The following NELL1 variants were observed in gnomAD, a reference collection of about 807,000 sequenced individuals.
NELL1 encodes the protein neural EGFL like 1, also known as protein kinase C-binding protein NELL1.
A neutral mutation model predicts 107.4 loss-of-function variants in NELL1; 76 were observed. The observed-to-expected ratio is 0.71, with a 90% CI of 0.59 to 0.86. NELL1 has a LOEUF of 0.86. Among genes scored for constraint, NELL1 ranks in the 40% least tolerant of loss-of-function variants. The probability of loss-of-function intolerance (pLI) is 0.00; values close to 1 mark genes in which losing one functional copy is unlikely to be tolerated. For missense variants in NELL1, 1,024 were observed against 1,005.5 expected (o/e 1.02, Z -0.25); for synonymous variants, 353 against 341.2 (o/e 1.03, Z -0.38).
chr11:21,256,527 C>T (rs544788684), intron 14 of NELL1, among the ~76,000 whole-genome samples: 1 of 152,116 alleles, frequency 6.6e-6, no homozygotes, highest in East Asian at 2.0e-4. Flanking sequence ...GCTTTGACTG[C>T]TTCTTTACCT....
intron 14 of NELL1, among the ~76,000 whole-genome samples, chr11:21,242,360 G>A (rs540627353): frequency 2.6e-5 from 4 of 152,130 alleles, no homozygotes; most frequent in Admixed American, 1.3e-4. Context: ...GGTCAAACAC[G>A]AGAGGTTTTT....
intron 16 of NELL1, among the ~76,000 whole-genome samples, chr11:21,539,655 C>G (rs1045998256): frequency 2.1e-4 from 32 of 151,292 alleles, no homozygotes; most frequent in African/African-American, 7.8e-4. Context: ...CTTCTCTCCT[C>G]TGCTGCTCTT....
intron 12 of NELL1, among the ~76,000 whole-genome samples, chr11:21,054,389 A>C (rs1214598022): frequency 6.6e-6 from 1 of 152,086 alleles, no homozygotes; most frequent in Admixed American, 6.6e-5. Flanking sequence ...TTGTTTAAAC[A>C]CAGTGTTGTG....
intron 12 of NELL1, among the ~76,000 whole-genome samples, chr11:21,053,849 G>A (rs747575307): frequency 1.3e-5 from 2 of 152,086 alleles, no homozygotes; most frequent in Non-Finnish European, 2.9e-5. Context: ...GTGCCTTTCT[G>A]GAGCGAATGT....
At chr11:21,257,785 ATGAG>A in intron 14 of NELL1, among the ~76,000 whole-genome samples, 1 of 151,998 alleles carries the variant, frequency 6.6e-6, no homozygotes, top group Non-Finnish European at 1.5e-5. Flanking sequence ...GGCCACCTGA[ATGAG>A]AGCTGTTGCT....
At chr11:21,247,418 A>G (rs150624794) in intron 14 of NELL1, among the ~76,000 whole-genome samples, 54 of 152,152 alleles carry the variant, frequency 3.5e-4, no homozygotes, top group African/African-American at 1.2e-3. Context: ...GCTTTTGTCT[A>G]TTTTTAATTT....
rs143769029 is a variant in NELL1 at position 21,005,947 on chromosome 11, A to T, written c.1300+45387A>T. The stretch of plus-strand genomic sequence containing the variant: ...CTGAGGTTTGAATCCCACCTGTGTC[A>T]GTTATTAGTGGCCTTGAGCAACTCA... On this transcript the variant is annotated intron_variant, in intron 12 of 19. Coordinates refer to ENST00000357134, the MANE Select transcript of NELL1 (RefSeq NM_006157.5). Among the ~76,000 whole-genome samples, 69 of 152,172 alleles carry T rather than the reference A, an allele frequency of 4.5e-4. No homozygotes were observed. The East Asian group carries it at 0.013, about 28-fold the overall frequency.
intron 15 of NELL1, among the ~76,000 whole-genome samples, chr11:21,483,946 T>TAACC (rs1405576067): frequency 7.4e-6 from 1 of 135,368 alleles, no homozygotes; most frequent in Non-Finnish European, 1.6e-5. Context: ...AATATTCCAA[T>TAACC]AACCAAACAA....
At chr11:21,082,611 A>G (rs1854294806) in intron 12 of NELL1, among the ~76,000 whole-genome samples, 1 of 152,116 alleles carries the variant, frequency 6.6e-6, no homozygotes, top group Non-Finnish European at 1.5e-5. Context: ...CTTCCCAACA[A>G]AGGCCAGATC....
In NELL1 at chr11:20,771,204, A is replaced by G. The variant is rs997790093; in HGVS notation, c.185-12476A>G. Among the ~76,000 whole-genome samples, 6 of 151,110 alleles carry G rather than the reference A, an allele frequency of 4.0e-5. No individual in the cohort carries two copies. The East Asian group carries it at 9.7e-4, about 25-fold the overall frequency. Reference sequence around the variant, plus strand: ...AAGCCAACTTTACTTCTCACTCTCCACTCCTTTCCTACTTCTCATTAATTC... The same window carrying G: ...AAGCCAACTTTACTTCTCACTCTCCGCTCCTTTCCTACTTCTCATTAATTC... On this transcript the variant is annotated intron_variant, in intron 2 of 19. Coordinates refer to ENST00000357134, the MANE Select transcript of NELL1 (RefSeq NM_006157.5).
intron 13 of NELL1, among the ~76,000 whole-genome samples, chr11:21,135,426 C>T (rs1251799660): frequency 1.3e-5 from 2 of 152,094 alleles, no homozygotes; most frequent in African/African-American, 2.4e-5. Context: ...ATTCAGGAGG[C>T]GTTTTGTTTA....
intron 1 of NELL1, among the ~76,000 whole-genome samples, chr11:20,675,293 G>A (rs2133847235): frequency 6.6e-6 from 1 of 152,314 alleles, no homozygotes; most frequent in South Asian, 2.1e-4. Flanking sequence ...CTCAGTAAAG[G>A]CTGTGGATAT....
At chr11:21,296,199 C>T (rs1271365314) in intron 14 of NELL1, among the ~76,000 whole-genome samples, 2 of 151,842 alleles carry the variant, frequency 1.3e-5, no homozygotes, top group Admixed American at 6.6e-5. Flanking sequence ...TATCCCAGTT[C>T]TGTTATTTTG....
chr11:21,220,685 A>G (rs1011511731), intron 13 of NELL1, among the ~76,000 whole-genome samples: 5 of 152,032 alleles, frequency 3.3e-5, no homozygotes, highest in South Asian at 2.1e-4. Flanking sequence ...TTGCTGATGT[A>G]TAGAAATGTA....
intron 12 of NELL1, among the ~76,000 whole-genome samples, chr11:21,073,830 G>A (rs1259641127): frequency 6.6e-6 from 1 of 152,134 alleles, no homozygotes; most frequent in African/African-American, 2.4e-5. Flanking sequence ...TAATTCGAGT[G>A]CTATAAATAG....
intron 13 of NELL1, chr11:21,169,630 T>C: frequency 2.6e-6 from 1 of 382,182 alleles, no homozygotes. Flanking sequence ...TTTCCCATAT[T>C]CTTTCTCTTA....
At chr11:20,852,078 T>C (rs774787633) in intron 4 of NELL1, among the ~76,000 whole-genome samples, 9 of 152,210 alleles carry the variant, frequency 5.9e-5, no homozygotes, top group Non-Finnish European at 1.2e-4. Flanking sequence ...CCGGCATCCC[T>C]ACCCTGTGTT....
chr11:21,023,086 G>T (rs909487284), intron 12 of NELL1, among the ~76,000 whole-genome samples: 9 of 151,946 alleles, frequency 5.9e-5, no homozygotes, highest in African/African-American at 2.2e-4. Context: ...AAGCTTAATA[G>T]GGTATTTCAA....
chr11:20,826,054 C>T (rs1296195706), intron 3 of NELL1, among the ~76,000 whole-genome samples: 2 of 151,322 alleles, frequency 1.3e-5, no homozygotes, highest in African/African-American at 4.8e-5. Flanking sequence ...ACTTCTTCTT[C>T]CTACCACCAT....
Sources: gnomAD v4.1 joint callset for allele counts (sites outside exome capture counted in the v4.1 genomes callset) on GRCh38, gnomAD v4.1.1 for gene constraint, MANE v1.5 for transcripts, NCBI Gene and HGNC (gene_info 2026-07-23, HGNC 2026-07-21) for gene names.